SGCD: variants seen among roughly 807,000 people sequenced by gnomAD.
SGCD encodes delta-sarcoglycan.
SGCD carries 18 observed loss-of-function variants against 36.6 expected under a neutral mutation model. The observed-to-expected ratio is 0.49, with a 90% confidence interval of 0.34 to 0.73. The LOEUF (loss-of-function observed/expected upper bound fraction) is 0.73, where lower values mean the gene tolerates loss of function less well. Among genes scored for constraint, SGCD ranks in the 30% least tolerant of loss-of-function variants. The pLI is 0.01. For missense variants in SGCD, 387 were observed against 346.7 expected, an observed-to-expected ratio of 1.12 and a Z score of -0.92; for synonymous variants, 133 against 130.6, an observed-to-expected ratio of 1.02 and a Z score of -0.12.
the SGCD span, among the ~76,000 whole-genome samples, chr5:155,745,412 C>T: frequency 6.6e-6 from 1 of 152,142 alleles, no homozygotes; most frequent in South Asian, 2.1e-4. Flanking sequence ...CTAAGATACT[C>T]TATAATCTGG....
In SGCD at chr5:156,373,205, A is replaced by T. The variant is rs1255087834; in HGVS notation, c.192+28528A>T. ...CAGAAGAGTGTAATTTTCTCTAAAA[A>T]GATATCTGTAAGGGGGAACACTTAC... On this transcript the variant is annotated intron_variant, in intron 3 of 8. Coordinates refer to ENST00000337851, the MANE Select transcript of SGCD (RefSeq NM_000337.6). Among the ~76,000 whole-genome samples, 6 of 152,344 alleles carry T rather than the reference A, an allele frequency of 3.9e-5. 1 individual carries two copies. The East Asian group carries it at 1.2e-3, about 29-fold the overall frequency.
rs571235852 is a variant in SGCD, at chr5:156,481,112, A to G, written c.193-27489A>G. ...ATGACTCCATAATGTTGGGGTAAAG[A>G]TTGGTATAATTAATACGGTATAAAA... On this transcript the variant is annotated intron_variant, in intron 3 of 8. Transcript: ENST00000337851. Among the ~76,000 whole-genome samples, 186 of 152,340 alleles carry G rather than the reference A, an allele frequency of 1.2e-3. 1 individual carries two copies. The highest frequency in any genetic ancestry group is 4.4e-3 in the African/African-American group (183 of 41,574).
chr5:156,735,025 G>C (rs1435830698), intron 7 of SGCD, among the ~76,000 whole-genome samples: 1 of 151,972 alleles, frequency 6.6e-6, no homozygotes, highest in African/African-American at 2.4e-5. Context: ...TGGTTTTTTT[G>C]TTTTGTTTTA....
chr5:156,653,999 C>T (rs986230359), intron 7 of SGCD, among the ~76,000 whole-genome samples: 6 of 152,066 alleles, frequency 3.9e-5, no homozygotes, highest in East Asian at 1.9e-4. Flanking sequence ...AAGAGTTGGG[C>T]GCCTAATGCC....
intron 1 of SGCD, among the ~76,000 whole-genome samples, chr5:155,914,913 A>C (rs1561648497): frequency 6.6e-6 from 1 of 152,206 alleles, no homozygotes; most frequent in Non-Finnish European, 1.5e-5. Context: ...CATTATTTTA[A>C]ATTTTTCAAC....
In SGCD at chr5:155,938,845, A is replaced by T. The variant is rs552971971; in HGVS notation, c.-282+68421A>T. 5.9e-5 allele frequency among the ~76,000 whole-genome samples: 9 copies of T among 152,362 alleles called. No individual in the cohort carries two copies. In the South Asian group the frequency reaches 1.9e-3, roughly 32 times the overall value. On this transcript the variant is annotated intron_variant, in intron 1 of 9. Coordinates refer to the SGCD transcript ENST00000517913. ...CACAGATAAGACAACTGTTAAACTG[A>T]GAGTTTAAGTAATTTGTCCATGAAA...
chr5:156,032,253 T>C (rs1179838584), intron 1 of SGCD, among the ~76,000 whole-genome samples: 3 of 152,228 alleles, frequency 2.0e-5, no homozygotes, highest in Non-Finnish European at 1.5e-5. Flanking sequence ...TGCTATAATT[T>C]ATTTAACTCT....
At chr5:155,890,138 GC>G (rs1470688045) in intron 1 of SGCD, among the ~76,000 whole-genome samples, 1 of 152,194 alleles carries the variant, frequency 6.6e-6, no homozygotes, top group Non-Finnish European at 1.5e-5. Flanking sequence ...GGCTTGGAAA[GC>G]CATGATGAAC....
chr5:156,433,982 C>T (rs981795694), intron 3 of SGCD, among the ~76,000 whole-genome samples: 5 of 152,192 alleles, frequency 3.3e-5, no homozygotes, highest in Non-Finnish European at 5.9e-5. Context: ...AGTCTCATTG[C>T]TCATGATTGG....
intron 1 of SGCD, among the ~76,000 whole-genome samples, chr5:155,877,323 C>A (rs1306436300): frequency 6.6e-6 from 1 of 152,098 alleles, no homozygotes; most frequent in Non-Finnish European, 1.5e-5. Context: ...TTACTCATGG[C>A]CAACTTAAAT....
chr5:156,686,748 C>T (rs752247306), intron 7 of SGCD, among the ~76,000 whole-genome samples: 1 of 152,068 alleles, frequency 6.6e-6, no homozygotes, highest in Non-Finnish European at 1.5e-5. Context: ...TTTGAGTAAC[C>T]GGGGACAGCT....
At chr5:156,726,745 A>G (rs777587081) in intron 7 of SGCD, among the ~76,000 whole-genome samples, 1 of 152,122 alleles carries the variant, frequency 6.6e-6, no homozygotes, top group Non-Finnish European at 1.5e-5. Flanking sequence ...ATTCTCTTAC[A>G]ATAACTGCTT....
chr5:155,757,160 A>G, the SGCD span, among the ~76,000 whole-genome samples: 6 of 152,336 alleles, frequency 3.9e-5, no homozygotes, highest in Non-Finnish European at 8.8e-5. Context: ...CTCGTCTTGG[A>G]AACTTGCATT....
chr5:156,376,545 C>T (rs1286679734), intron 3 of SGCD, among the ~76,000 whole-genome samples: 1 of 152,142 alleles, frequency 6.6e-6, no homozygotes, highest in Non-Finnish European at 1.5e-5. Context: ...CTCACATTGA[C>T]CCTAATGAGA....
chr5:156,583,619 C>T (rs564564688), intron 4 of SGCD, among the ~76,000 whole-genome samples: 1 of 152,210 alleles, frequency 6.6e-6, no homozygotes, highest in Non-Finnish European at 1.5e-5. Context: ...TCTTCAGTGA[C>T]TTCTCATTTC....
chr5:155,911,022 C>G (rs559700841), intron 1 of SGCD, among the ~76,000 whole-genome samples: 1 of 151,990 alleles, frequency 6.6e-6, no homozygotes, highest in African/African-American at 2.4e-5. Flanking sequence ...ATTTCAAAGA[C>G]GAGTAGGGTG....
At chr5:156,538,071 T>A (rs1204672872) in intron 4 of SGCD, among the ~76,000 whole-genome samples, 3 of 151,490 alleles carry the variant, frequency 2.0e-5, no homozygotes, top group Non-Finnish European at 4.4e-5. Flanking sequence ...CTTGGCTTTC[T>A]CAGAGCCCCA....
chr5:156,140,161 A>C (rs991340088), intron 3 of SGCD, among the ~76,000 whole-genome samples: 8 of 152,216 alleles, frequency 5.3e-5, no homozygotes, highest in Non-Finnish European at 1.0e-4. Context: ...ACAAAATTAC[A>C]AGATAGAAAC....
intron 3 of SGCD, among the ~76,000 whole-genome samples, chr5:156,227,582 G>A (rs1257719043): frequency 6.6e-6 from 1 of 151,824 alleles, no homozygotes; most frequent in Non-Finnish European, 1.5e-5. Context: ...TTGGCTATGT[G>A]GGCTCTTTTT....
Sources: allele counts gnomAD v4.1 joint callset (sites outside exome capture counted in the v4.1 genomes callset), GRCh38; gene constraint gnomAD v4.1.1; transcripts MANE v1.5; gene names NCBI Gene and HGNC (gene_info 2026-07-23, HGNC 2026-07-21).